LGR6: variants seen among roughly 807,000 people sequenced by gnomAD.
LGR6 encodes the protein leucine-rich repeat-containing G protein-coupled receptor 6.
A neutral mutation model predicts 69.4 loss-of-function variants in LGR6; 45 were observed. The ratio of observed to expected loss-of-function variants is 0.65; its 90% CI spans 0.51 to 0.83. The LOEUF (loss-of-function observed/expected upper bound fraction) is 0.83, where lower values mean the gene tolerates loss of function less well. Among genes scored for constraint, LGR6 ranks in the 40% least tolerant of loss-of-function variants. The probability of loss-of-function intolerance (pLI) is 0.00; values close to 1 mark genes in which losing one functional copy is unlikely to be tolerated. For synonymous variants in LGR6, 538 were observed against 555.0 expected (o/e 0.97, Z 0.43); for missense variants, 1,108 against 1,246.7 (o/e 0.89, Z 1.68).
At chr1:202,217,362 G>A (rs1659853052) in intron 1 of LGR6, among the ~76,000 whole-genome samples, 1 of 152,076 alleles carries the variant, frequency 6.6e-6, no homozygotes, top group Non-Finnish European at 1.5e-5. Context: ...AGGGTTTTAG[G>A]AGCCCCACAC....
At chr1:202,292,512 G>T (rs889735274) in intron 6 of LGR6, among the ~76,000 whole-genome samples, 1 of 152,220 alleles carries the variant, frequency 6.6e-6, no homozygotes, top group Non-Finnish European at 1.5e-5. Context: ...TTGGGAGCTT[G>T]CCACCTCCAG....
At chr1:202,290,141 A>G (rs1666691581) in intron 6 of LGR6, among the ~76,000 whole-genome samples, 1 of 152,156 alleles carries the variant, frequency 6.6e-6, no homozygotes. Context: ...TTGAACATCT[A>G]CTCTGTGCTA....
chr1:202,298,986 G>A (rs1395087367), intron 7 of LGR6, among the ~76,000 whole-genome samples: 7 of 151,860 alleles, frequency 4.6e-5, no homozygotes, highest in African/African-American at 1.4e-4. Context: ...CTGGCCGGGC[G>A]TGGTGGTTCA....
chr1:202,241,783 G>C (rs1395363764), intron 4 of LGR6, among the ~76,000 whole-genome samples: 2 of 152,096 alleles, frequency 1.3e-5, no homozygotes, highest in Non-Finnish European at 2.9e-5. Context: ...GAAAAGCACA[G>C]TGGCAAGACT....
chr1:202,310,288 C>G lies in LGR6; in HGVS notation c.1498C>G (p.Leu500Val). ...KASGQWEAED[L>V]HLDDEESSKR... ...CTCTGGGCAGTGGGAGGCTGAAGAC[C>G]TTCACCTTGATGATGAGGAGTCTTC... Residue 500 changes from leucine (L) to valine (V), a missense_variant, in exon 16 of 18, where the codon CTT becomes GTT. By Grantham distance (32) the Leu-to-Val change is conservative. Transcript: ENST00000367278. The G allele has an allele frequency of 6.2e-7, 1 of 1,614,080 alleles. No homozygotes were observed. The highest frequency in any genetic ancestry group is 8.5e-7 in the Non-Finnish European group (1 of 1,180,006).
rs867734523 is a variant in LGR6, at chr1:202,318,416, C to T, written c.2113C>T (p.Leu705=). ...ALAGLAAALP[L]ASVGEYGASP... ...GGCAGGGCTGGCCGCCGCGCTGCCC[C>T]TGGCCTCAGTGGGAGAATACGGGGC... Residue 705 remains leucine, a synonymous_variant, in exon 18 of 18, where the codon CTG becomes TTG. Coordinates refer to ENST00000367278, the MANE Select transcript of LGR6 (RefSeq NM_001017403.2). 1 of 1,609,844 alleles carries T rather than the reference C, an allele frequency of 6.2e-7. No individual in the cohort carries two copies. The highest frequency in any genetic ancestry group is 1.3e-5 in the African/African-American group (1 of 75,042).
intron 1 of LGR6, 99 bp downstream of exon 1, chr1:202,194,300 C>A (rs1658550259): frequency 1.3e-6 from 1 of 797,182 alleles, no homozygotes; most frequent in Non-Finnish European, 1.9e-6. Context: ...TGCCCTGGGG[C>A]ATGGGCATCC....
In LGR6 at chr1:202,270,764, C is replaced by G. The variant is rs186562971; in HGVS notation, c.429-5542C>G. On this transcript the variant is annotated intron_variant, in intron 4 of 17. Coordinates refer to ENST00000367278, the MANE Select transcript of LGR6 (RefSeq NM_001017403.2). The stretch of plus-strand genomic sequence containing the variant: ...CTGCTACGCTTGCTCCCTGTTAGGT[C>G]CTCATCTCATTTCAGTCAATTCAGA... 4.7e-3 allele frequency among the ~76,000 whole-genome samples: 719 copies of G among 152,296 alleles called. 13 individuals carry two copies. In the South Asian group the frequency reaches 0.065, roughly 14 times the overall value.
chr1:202,204,221 A>C, intron 1 of LGR6, among the ~76,000 whole-genome samples: 1 of 142,630 alleles, frequency 7.0e-6, no homozygotes, highest in South Asian at 2.2e-4. Context: ...AAGCACACAC[A>C]CACACCTCCA....
intron 14 of LGR6, among the ~76,000 whole-genome samples, chr1:202,307,940 A>G (rs1234132103): frequency 5.9e-5 from 9 of 152,188 alleles, no homozygotes; most frequent in Admixed American, 5.2e-4. Context: ...TGCAGCTGCC[A>G]TGTACTGTGG....
chr1:202,252,418 C>G (rs889562891), intron 4 of LGR6, among the ~76,000 whole-genome samples: 13 of 152,190 alleles, frequency 8.5e-5, no homozygotes, highest in African/African-American at 3.1e-4. Context: ...AGCCAGGCAT[C>G]CTCACTCTTT....
chr1:202,251,530 C>T (rs1273715925), intron 4 of LGR6, among the ~76,000 whole-genome samples: 1 of 152,236 alleles, frequency 6.6e-6, no homozygotes, highest in Admixed American at 6.5e-5. Context: ...AAGAGGAAGC[C>T]TCAGATCCCT....
chr1:202,316,411 C>T (rs1202190002), intron 17 of LGR6, among the ~76,000 whole-genome samples: 1 of 152,208 alleles, frequency 6.6e-6, no homozygotes, highest in Admixed American at 6.5e-5. Context: ...CACTCACCCT[C>T]ACAGAAGGAC....
At chr1:202,197,347 C>T in intron 1 of LGR6, 1 of 523,258 alleles carries the variant, frequency 1.9e-6, no homozygotes, top group South Asian at 1.4e-5. Context: ...CTTTTGGGCT[C>T]AATGCCAGCC....
chr1:202,200,246 G>T (rs1658793441), intron 1 of LGR6, among the ~76,000 whole-genome samples: 1 of 152,258 alleles, frequency 6.6e-6, no homozygotes, highest in South Asian at 2.1e-4. Context: ...CAAAGAGGAA[G>T]AATCTGGGCT....
intron 1 of LGR6, chr1:202,210,784 G>A (rs970500975): frequency 3.3e-5 from 5 of 152,050 alleles, no homozygotes; most frequent in East Asian, 1.9e-4. Flanking sequence ...AAGCTAGGAC[G>A]AACAAAGGTA....
At chr1:202,199,490 G>A (rs1410331112) in intron 1 of LGR6, among the ~76,000 whole-genome samples, 3 of 152,210 alleles carry the variant, frequency 2.0e-5, no homozygotes, top group South Asian at 2.1e-4. Flanking sequence ...TGGCAGCAGC[G>A]GGCATGGGGC....
chr1:202,227,726 T>C (rs1660669654), intron 2 of LGR6, among the ~76,000 whole-genome samples: 1 of 152,206 alleles, frequency 6.6e-6, no homozygotes, highest in Non-Finnish European at 1.5e-5. Context: ...AGTTTCCTCA[T>C]CTGAAATTTG....
intron 1 of LGR6, among the ~76,000 whole-genome samples, chr1:202,214,391 C>T (rs1462457994): frequency 6.6e-6 from 1 of 151,978 alleles, no homozygotes; most frequent in Admixed American, 6.5e-5. Context: ...GCCGCCTCCC[C>T]ACTTCCGGAC....
Sources: allele counts gnomAD v4.1 joint callset (sites outside exome capture counted in the v4.1 genomes callset), GRCh38; gene constraint gnomAD v4.1.1; transcripts MANE v1.5; gene names NCBI Gene and HGNC (gene_info 2026-07-23, HGNC 2026-07-21).